The following AKAP13 variants were observed in gnomAD, a reference collection of about 807,000 sequenced individuals.
AKAP13 encodes A-kinase anchoring protein 13.
A neutral mutation model predicts 264.5 loss-of-function variants in AKAP13; 80 were observed. The observed-to-expected ratio is 0.30, with a 90% CI of 0.25 to 0.36. The LOEUF is 0.36. AKAP13 is among the 10% of genes least tolerant of loss of function. The pLI is 1.00. For synonymous variants in AKAP13, 1,380 were observed against 1,250.2 expected, an observed-to-expected ratio of 1.10 and a Z score of -2.19; for missense variants, 3,712 against 3,435.2, an observed-to-expected ratio of 1.08 and a Z score of -2.01.
At chr15:85,609,951 C>G (rs771904887) in intron 8 of AKAP13, among the ~76,000 whole-genome samples, 5 of 152,196 alleles carry the variant, frequency 3.3e-5, no homozygotes, top group African/African-American at 9.6e-5. Flanking sequence ...ACTACCTACC[C>G]AAGCTGTCTT....
rs1658596290 is a variant in AKAP13, at chr15:85,415,703, T to G, written c.-12+34905T>G. The G allele has an allele frequency of 2.0e-5, 15 of 768,906 alleles. No homozygotes were observed. The South Asian group carries it at 2.3e-4, about 12-fold the overall frequency. 47.6% of individuals were successfully genotyped at this position (768,906 alleles called of 1,614,324 possible). On this transcript the variant is annotated intron_variant, in intron 1 of 36. Coordinates refer to ENST00000394518, the MANE Select transcript of AKAP13 (RefSeq NM_007200.5). ...CCAAGCTCAGTTCAATGAGCAAATC[T>G]CCATACCGTTTCTTTTTTTTTTTTT...
At chr15:85,499,524 ATCC>A (rs1452821118) in intron 2 of AKAP13, among the ~76,000 whole-genome samples, 1 of 152,138 alleles carries the variant, frequency 6.6e-6, no homozygotes, top group Non-Finnish European at 1.5e-5. Flanking sequence ...GAGTTTAAAA[ATCC>A]CTAGCCATGG....
At position 85,745,972 on chromosome 15, in the gene AKAP13, C is replaced by T. The variant is rs1200843119; in HGVS notation, c.*1295C>T. The T allele has an allele frequency of 6.6e-6, 1 of 152,566 alleles. No individual in the cohort carries two copies. Among genetic ancestry groups the T allele is most frequent in the Non-Finnish European group, 1.5e-5 (1 of 68,306 alleles). 9.5% of individuals were successfully genotyped at this position (152,566 alleles called of 1,614,324 possible). ...TGCTCGGCTTTGCTTTTGCTTTTCC[C>T]ACCGTGTTTTCATCTTTGTTCACTT... is the stretch of plus-strand genomic sequence containing the variant. On this transcript the variant is annotated 3_prime_UTR_variant, in exon 37 of 37. Coordinates refer to ENST00000394518, the MANE Select transcript of AKAP13 (RefSeq NM_007200.5).
intron 1 of AKAP13, among the ~76,000 whole-genome samples, chr15:85,479,760 C>A (rs2075293663): frequency 2.0e-5 from 3 of 152,146 alleles, no homozygotes; most frequent in South Asian, 2.1e-4. Context: ...TGACTCCCCA[C>A]CCCCCTTTTT....
At chr15:85,693,961 A>G (rs1043776075) in intron 17 of AKAP13, among the ~76,000 whole-genome samples, 1 of 152,200 alleles carries the variant, frequency 6.6e-6, no homozygotes, top group African/African-American at 2.4e-5. Context: ...ACTTAATAGT[A>G]TTTTCAATTT....
rs144850720 is a variant in AKAP13 at position 85,669,252 on chromosome 15, TAAATA to T, written c.4993-467_4993-463del. Among the ~76,000 whole-genome samples the T allele has an allele frequency of 6.0e-5, 9 of 150,882 alleles. No homozygotes were observed. The East Asian group carries it at 1.5e-3, about 26-fold the overall frequency. On this transcript the variant is annotated intron_variant, in intron 13 of 36. Coordinates refer to ENST00000394518, the MANE Select transcript of AKAP13 (RefSeq NM_007200.5). ...GACTCTGTCTAAAAAAAAATAATAA[TAAATA>T]AAGTAAAATCAGAATACTATTACTG...
Position 85,653,029 on chromosome 15 carries a change from T to A in AKAP13, c.4375-2388T>A, listed in dbSNP as rs143835715. Among the ~76,000 whole-genome samples the A allele has an allele frequency of 2.2e-3, 333 of 152,236 alleles. 1 individual carries two copies. Among genetic ancestry groups the A allele is most frequent in the African/African-American group, 7.7e-3 (321 of 41,528 alleles). ...GAGGACATTATTCAACCCAGTACAG[T>A]GAGAAAGCCGAGATATTCACGAGAC... On this transcript the variant is annotated intron_variant, in intron 10 of 36. Coordinates refer to ENST00000394518, the MANE Select transcript of AKAP13 (RefSeq NM_007200.5).
chr15:85,632,435 C>A (rs1024015547), intron 8 of AKAP13, among the ~76,000 whole-genome samples: 1 of 152,128 alleles, frequency 6.6e-6, no homozygotes, highest in African/African-American at 2.4e-5. Context: ...CCCTTTGCTT[C>A]GGAAGGAAAC....
intron 1 of AKAP13, among the ~76,000 whole-genome samples, chr15:85,481,573 G>A (rs886717148): frequency 6.6e-6 from 1 of 152,216 alleles, no homozygotes. Flanking sequence ...AGTGGAAAAT[G>A]TGGGAAGAAT....
In AKAP13 at chr15:85,747,672, A is replaced by G. The variant is rs1226113584; in HGVS notation, c.*2995A>G. 6.6e-6 allele frequency: 1 copy of G among 152,646 alleles called. No individual in the cohort carries two copies. 9.5% of individuals were successfully genotyped at this position (152,646 alleles called of 1,614,324 possible). On this transcript the variant is annotated 3_prime_UTR_variant, in exon 37 of 37. Coordinates refer to ENST00000394518, the MANE Select transcript of AKAP13 (RefSeq NM_007200.5). ...CTTCATTTTCAAGACAATCAAATGT[A>G]TTGACTGTGTTTTCTTCTTAGAAAA...
intron 1 of AKAP13, chr15:85,415,200 C>G: frequency 1.4e-6 from 2 of 1,448,258 alleles, no homozygotes; most frequent in Non-Finnish European, 1.9e-6. Context: ...AGACCCCGCT[C>G]TGCACGCCAG....
chr15:85,662,465 TTA>T, intron 12 of AKAP13: 1 of 1,614,140 alleles, frequency 6.2e-7, no homozygotes, highest in Non-Finnish European at 8.5e-7. Context: ...TATGATATTG[TTA>T]TGTGTCCCGC....
chr15:85,741,744 GT>G (rs1007906764), intron 35 of AKAP13, among the ~76,000 whole-genome samples: 2 of 131,524 alleles, frequency 1.5e-5, no homozygotes, highest in African/African-American at 5.7e-5. Context: ...AAAAAAAACA[GT>G]TTTTAAGAAT....
chr15:85,737,028 C>T lies in AKAP13; in HGVS notation c.7557+894C>T, dbSNP rs146359872. ...CCATCTCCTGGATTCAAGCGATTCC[C>T]CTGCCTCAGCCTCCCGAGTAGCTGG... On this transcript the variant is annotated intron_variant, in intron 33 of 36. Transcript: ENST00000394518. Among the ~76,000 whole-genome samples, 4 of 151,748 alleles carry T rather than the reference C, an allele frequency of 2.6e-5. No homozygotes were observed. The East Asian group carries it at 7.7e-4, about 29-fold the overall frequency.
chr15:85,674,766 T>G (rs1191516867), intron 14 of AKAP13, among the ~76,000 whole-genome samples: 1 of 152,148 alleles, frequency 6.6e-6, no homozygotes, highest in Non-Finnish European at 1.5e-5. Context: ...TTGAGGATAT[T>G]TTATCTCTGT....
intron 14 of AKAP13, among the ~76,000 whole-genome samples, chr15:85,678,779 G>C (rs944568677): frequency 6.6e-6 from 1 of 151,958 alleles, no homozygotes; most frequent in African/African-American, 2.4e-5. Context: ...TGAGGCAGGA[G>C]AATCACTTGA....
chr15:85,546,173 A>G (rs2077731218), intron 5 of AKAP13, among the ~76,000 whole-genome samples: 1 of 152,188 alleles, frequency 6.6e-6, no homozygotes, highest in African/African-American at 2.4e-5. Context: ...CAAAATTGCT[A>G]AAAAAGAATG....
rs546609277 is a variant in AKAP13 at position 85,391,145 on chromosome 15, G to C, written c.-12+10347G>C. Among the ~76,000 whole-genome samples, 7 of 152,296 alleles carry C rather than the reference G, an allele frequency of 4.6e-5. No individual in the cohort carries two copies. The East Asian group carries it at 7.7e-4, about 17-fold the overall frequency. On this transcript the variant is annotated intron_variant, in intron 1 of 36. Transcript: ENST00000394518. ...ACCACCACTATGTATAGTAACTAAA[G>C]GAAGGCTAGATATGAATGAAGGAAG... is the stretch of plus-strand genomic sequence containing the variant.
chr15:85,534,767 T>C (rs1178676414), intron 4 of AKAP13: 2 of 152,174 alleles, frequency 1.3e-5, no homozygotes, highest in Non-Finnish European at 2.9e-5. Flanking sequence ...AATATTTACA[T>C]AGTAAGTCCT....
Sources: gnomAD v4.1 joint callset for allele counts (sites outside exome capture counted in the v4.1 genomes callset) on GRCh38, gnomAD v4.1.1 for gene constraint, MANE v1.5 for transcripts, NCBI Gene and HGNC (gene_info 2026-07-23, HGNC 2026-07-21) for gene names.